The following CASQ2 variants were observed in gnomAD, a reference collection of about 807,000 sequenced individuals.
CASQ2 encodes calsequestrin-2.
CASQ2 carries 49 observed loss-of-function variants against 46.5 expected under a neutral mutation model. That is an observed-to-expected ratio of 1.05 (90% CI 0.84 to 1.34). The LOEUF is 1.34. CASQ2 is among the 40% of genes most tolerant of loss of function. CASQ2 has a pLI of 0.00. For synonymous variants in CASQ2, 174 were observed against 168.5 expected (o/e 1.03, Z -0.25); for missense variants, 486 against 481.3 (o/e 1.01, Z -0.09).
In CASQ2 at chr1:115,719,276, C is replaced by CT. The variant is rs11433220; in HGVS notation, c.784-1383_784-1382insA. Among the ~76,000 whole-genome samples, 4 of 25,506 alleles carry CT rather than the reference C, an allele frequency of 1.6e-4. No individual in the cohort carries two copies. The East Asian group carries it at 4.7e-3, about 30-fold the overall frequency. The allele number at this position is 25,506 out of a possible 152,430, so 16.7% of individuals were successfully genotyped here. A position where few individuals can be genotyped will look rare whatever the true frequency, so the allele number is the denominator to read the frequency against. On this transcript the variant is annotated intron_variant, in intron 7 of 10. Transcript: ENST00000261448. ...GTGTGTGCCGGCTTATTACACAAAT[C>CT]GACAGCAACCAGAAGGGGAGTCTGA...
intron 7 of CASQ2, among the ~76,000 whole-genome samples, chr1:115,724,992 G>A (rs564374074): frequency 1.6e-4 from 24 of 152,340 alleles, no homozygotes; most frequent in Admixed American, 2.6e-4. Context: ...CTAGTGAGTA[G>A]TACCAAAGAG....
intron 8 of CASQ2, among the ~76,000 whole-genome samples, chr1:115,708,215 TA>T (rs2101058974): frequency 6.6e-6 from 1 of 152,260 alleles, no homozygotes; most frequent in African/African-American, 2.4e-5. Flanking sequence ...TTCAAGAAAA[TA>T]AAAGGTTTTT....
At chr1:115,714,061 C>T (rs1162891936) in intron 8 of CASQ2, among the ~76,000 whole-genome samples, 2 of 152,150 alleles carry the variant, frequency 1.3e-5, no homozygotes, top group Non-Finnish European at 2.9e-5. Context: ...GCTAACCTGA[C>T]GACTTCATAT....
At chr1:115,738,846 G>A (rs182870441) in intron 3 of CASQ2, among the ~76,000 whole-genome samples, 5 of 151,798 alleles carry the variant, frequency 3.3e-5, no homozygotes, top group African/African-American at 9.7e-5. Context: ...TCTAATTGAG[G>A]CTTTGCACCC....
chr1:115,737,781 A>C (rs535460560), intron 4 of CASQ2, among the ~76,000 whole-genome samples: 1 of 152,270 alleles, frequency 6.6e-6, no homozygotes, highest in East Asian at 1.9e-4. Flanking sequence ...GATTTTTCAC[A>C]TTCTGTAGCC....
At chr1:115,744,445 G>A (rs1267895363) in intron 2 of CASQ2, among the ~76,000 whole-genome samples, 2 of 152,186 alleles carry the variant, frequency 1.3e-5, no homozygotes, top group Non-Finnish European at 2.9e-5. Flanking sequence ...GCAAGGCAAC[G>A]AAATAATACA....
At chr1:115,740,938 G>A in intron 2 of CASQ2, 110 bp from the exon 3 acceptor site, 1 of 750,612 alleles carries the variant, frequency 1.3e-6, no homozygotes, top group South Asian at 1.4e-5. Flanking sequence ...GTCAGGATTA[G>A]TGGAACTAGC....
chr1:115,751,047 G>T (rs1240852816), intron 1 of CASQ2, among the ~76,000 whole-genome samples: 1 of 152,200 alleles, frequency 6.6e-6, no homozygotes, highest in East Asian at 1.9e-4. Flanking sequence ...ACAAGCCTGT[G>T]CTGTGACTCC....
chr1:115,716,896 C>T (rs1369016488), intron 8 of CASQ2, among the ~76,000 whole-genome samples: 2 of 152,144 alleles, frequency 1.3e-5, no homozygotes. Context: ...GGATCTGTGT[C>T]CCCTACCCAA....
rs200558909 is a variant in CASQ2, at chr1:115,768,531, G to A, written c.11C>T (p.Thr4Ile). The A allele has an allele frequency of 1.2e-6, 2 of 1,609,138 alleles. No homozygotes were observed. The highest frequency in any genetic ancestry group is 1.7e-6 in the Non-Finnish European group (2 of 1,175,524). Residue 4 changes from threonine to isoleucine, a missense_variant, in exon 1 of 11, where the codon ACT (threonine) becomes ATT (isoleucine). Physicochemically the swap from Thr to Ile is moderately conservative, Grantham distance 89. Coordinates refer to ENST00000261448, the MANE Select transcript of CASQ2 (RefSeq NM_001232.4). MKR[T>I]HLFIVGIYFL... ...ATAAATCCCCACAATAAACAAGTGAGTTCTCTTCATTTGGGAAAACTTTTG... is the reference window on the plus strand; with the variant it reads ...ATAAATCCCCACAATAAACAAGTGAATTCTCTTCATTTGGGAAAACTTTTG...
intron 2 of CASQ2, among the ~76,000 whole-genome samples, chr1:115,744,067 C>A (rs1268539373): frequency 6.6e-6 from 1 of 150,936 alleles, no homozygotes; most frequent in African/African-American, 2.4e-5. Context: ...TCGCTTGAAT[C>A]CAGGAGGCAG....
At chr1:115,739,124 C>CTTTTTTTTTTTT (rs1299140156) in intron 3 of CASQ2, among the ~76,000 whole-genome samples, 8 of 99,522 alleles carry the variant, frequency 8.0e-5, no homozygotes, top group Middle Eastern at 8.5e-3. Flanking sequence ...TCTTTTCTTT[C>CTTTTTTTTTTTT]TTTTTGAGAT....
intron 2 of CASQ2, among the ~76,000 whole-genome samples, chr1:115,741,690 C>T (rs1648183820): frequency 6.6e-6 from 1 of 152,198 alleles, no homozygotes; most frequent in African/African-American, 2.4e-5. Context: ...GCTGCAAGGA[C>T]AGGCTCAGCG....
chr1:115,731,894 T>C (rs1160769953), intron 5 of CASQ2, among the ~76,000 whole-genome samples: 2 of 152,106 alleles, frequency 1.3e-5, no homozygotes, highest in African/African-American at 4.8e-5. Flanking sequence ...CACATAAAAA[T>C]TTTTTTGAAT....
At chr1:115,756,757 G>A (rs1219108301) in intron 1 of CASQ2, among the ~76,000 whole-genome samples, 1 of 152,088 alleles carries the variant, frequency 6.6e-6, no homozygotes, top group African/African-American at 2.4e-5. Context: ...GACCAGCCCA[G>A]CCAACATGAC....
intron 5 of CASQ2, 129 bp downstream of exon 5, chr1:115,732,772 A>G: frequency 1.4e-6 from 1 of 722,784 alleles, no homozygotes; most frequent in Non-Finnish European, 2.5e-6. Context: ...ATAATTCTTA[A>G]CCCTTCTAGA....
At chr1:115,767,033 C>T (rs556397872) in intron 1 of CASQ2, among the ~76,000 whole-genome samples, 3 of 152,232 alleles carry the variant, frequency 2.0e-5, no homozygotes, top group East Asian at 3.9e-4. Context: ...AACTGGACAG[C>T]GATGAGCATA....
chr1:115,758,975 G>A (rs1481884176), intron 1 of CASQ2, among the ~76,000 whole-genome samples: 1 of 152,204 alleles, frequency 6.6e-6, no homozygotes, highest in Non-Finnish European at 1.5e-5. Flanking sequence ...TGTCAGCCAA[G>A]TACTATGTAG....
At chr1:115,712,791 G>A (rs562996710) in intron 8 of CASQ2, among the ~76,000 whole-genome samples, 1 of 150,334 alleles carries the variant, frequency 6.7e-6, no homozygotes, top group Non-Finnish European at 1.5e-5. Context: ...GGGAGGTGGA[G>A]GTTGCAGTGA....
Sources: allele counts gnomAD v4.1 joint callset (sites outside exome capture counted in the v4.1 genomes callset), GRCh38; gene constraint gnomAD v4.1.1; transcripts MANE v1.5; gene names NCBI Gene and HGNC (gene_info 2026-07-23, HGNC 2026-07-21).